TRMT11: variants seen among roughly 807,000 people sequenced by gnomAD.
TRMT11 encodes tRNA methyltransferase 11.
A neutral mutation model predicts 62.8 loss-of-function variants in TRMT11; 53 were observed. The ratio of observed to expected loss-of-function variants is 0.84; its 90% CI spans 0.68 to 1.06. The LOEUF (loss-of-function observed/expected upper bound fraction) is 1.06, where lower values mean the gene tolerates loss of function less well. Ranked by LOEUF, TRMT11 falls within the 50% of genes least tolerant of loss-of-function variation. The probability of loss-of-function intolerance (pLI) is 0.00; values close to 1 mark genes in which losing one functional copy is unlikely to be tolerated. For synonymous variants in TRMT11, 188 were observed against 190.3 expected (o/e 0.99, Z 0.10); for missense variants, 556 against 553.4 (o/e 1.00, Z -0.05).
At chr6:126,002,180 T>C (rs1428173664) in intron 7 of TRMT11, among the ~76,000 whole-genome samples, 2 of 152,190 alleles carry the variant, frequency 1.3e-5, no homozygotes, top group Non-Finnish European at 2.9e-5. Flanking sequence ...AACTAGAAAA[T>C]ATATATGCAT....
chr6:126,163,660 C>G (rs919752752), intron 21 of TRMT11, among the ~76,000 whole-genome samples: 1 of 152,066 alleles, frequency 6.6e-6, no homozygotes, highest in African/African-American at 2.4e-5. Flanking sequence ...TGGTAGAATT[C>G]GGCTGTGAAT....
At chr6:126,190,370 T>C (rs1028924459) in intron 1 of TRMT11, among the ~76,000 whole-genome samples, 7 of 152,154 alleles carry the variant, frequency 4.6e-5, no homozygotes, top group African/African-American at 1.7e-4. Context: ...TCATGAGAGC[T>C]GATGGTTTTA....
intron 17 of TRMT11, among the ~76,000 whole-genome samples, chr6:126,061,485 G>A (rs1776533816): frequency 6.6e-6 from 1 of 151,382 alleles, no homozygotes; most frequent in Non-Finnish European, 1.5e-5. Flanking sequence ...AAATTCACAG[G>A]CTTCCTTACT....
At chr6:126,056,914 G>GT (rs1255408952) in intron 17 of TRMT11, among the ~76,000 whole-genome samples, 1 of 152,206 alleles carries the variant, frequency 6.6e-6, no homozygotes, top group African/African-American at 2.4e-5. Context: ...CCCCAAAGCT[G>GT]TGTCTATTGA....
At chr6:126,026,446 C>G (rs772115689) in intron 12 of TRMT11, among the ~76,000 whole-genome samples, 2 of 151,798 alleles carry the variant, frequency 1.3e-5, no homozygotes, top group Non-Finnish European at 2.9e-5. Context: ...AGTGCAGTGG[C>G]GTGATCTTGA....
the TRMT11 span, among the ~76,000 whole-genome samples, chr6:126,243,266 A>G: frequency 6.6e-6 from 1 of 152,260 alleles, no homozygotes; most frequent in African/African-American, 2.4e-5. Context: ...AATGGCGATC[A>G]TTAAAAAGTC....
the TRMT11 span, among the ~76,000 whole-genome samples, chr6:126,235,874 A>T: frequency 6.6e-6 from 1 of 152,210 alleles, no homozygotes; most frequent in South Asian, 2.1e-4. Flanking sequence ...AGTTGGAAAT[A>T]AAAAAACAGA....
intron 7 of TRMT11, among the ~76,000 whole-genome samples, chr6:126,008,020 T>G (rs1793620428): frequency 6.6e-6 from 1 of 152,074 alleles, no homozygotes; most frequent in Non-Finnish European, 1.5e-5. Context: ...ATTCTGTTTA[T>G]TGCCAGCTCT....
the TRMT11 span, among the ~76,000 whole-genome samples, chr6:126,239,014 T>C: frequency 1.3e-5 from 2 of 152,154 alleles, no homozygotes; most frequent in Admixed American, 6.6e-5. Context: ...TCTGTTTTAT[T>C]AGAGACTAGG....
chr6:126,203,827 T>G (rs1778763837), downstream of TRMT11, among the ~76,000 whole-genome samples: 1 of 152,194 alleles, frequency 6.6e-6, no homozygotes, highest in Admixed American at 6.5e-5. Flanking sequence ...ATTCTGTGTA[T>G]AGAATGATTC....
intron 16 of TRMT11, among the ~76,000 whole-genome samples, chr6:126,050,939 C>T (rs1318188570): frequency 2.6e-5 from 4 of 152,106 alleles, no homozygotes; most frequent in Non-Finnish European, 5.9e-5. Context: ...AGCTTGGAAC[C>T]TTCAGTAGTT....
At position 126,166,817 on chromosome 6, in the gene TRMT11, G is replaced by A. The variant is rs1778272934; in HGVS notation, c.*1824-8008G>A. On this transcript the variant is annotated intron_variant and NMD_transcript_variant, in intron 21 of 22. Transcript: ENST00000648977. ...TTTCAGAGATGGCCTGCCCAGAGAG[G>A]AGGAATCTAGAGAGGCAGTGTAGCT... Among the ~76,000 whole-genome samples, 3 of 152,208 alleles carry A rather than the reference G, an allele frequency of 2.0e-5. No homozygotes were observed. The South Asian group carries it at 6.2e-4, about 31-fold the overall frequency.
intron 17 of TRMT11, among the ~76,000 whole-genome samples, chr6:126,054,437 G>A (rs932332013): frequency 2.0e-5 from 3 of 152,170 alleles, no homozygotes; most frequent in African/African-American, 4.8e-5. Context: ...AAGTACAGTA[G>A]AAACCTTCCT....
chr6:126,271,483 G>GTT, the TRMT11 span, among the ~76,000 whole-genome samples: 14 of 148,168 alleles, frequency 9.4e-5, 1 homozygote, highest in South Asian at 2.8e-3. Context: ...TTCCCAAATG[G>GTT]TTTATATATA....
In TRMT11 at chr6:126,028,200, C is replaced by T. The variant is rs567850874; in HGVS notation, c.1260+6920C>T. Among the ~76,000 whole-genome samples, 61 of 152,146 alleles carry T rather than the reference C, an allele frequency of 4.0e-4. 1 individual carries two copies. Among genetic ancestry groups the T allele is most frequent in the African/African-American group, 1.4e-3 (59 of 41,532 alleles). ...CTGTCTCTTCCCAAAACTGTGGGTT[C>T]CCTTTTGATTAGAGGTATAAAAGAT... On this transcript the variant is annotated intron_variant, in intron 12 of 12. Transcript: ENST00000334379.
chr6:126,077,616 C>T (rs1777056891), intron 17 of TRMT11, among the ~76,000 whole-genome samples: 1 of 152,178 alleles, frequency 6.6e-6, no homozygotes, highest in Non-Finnish European at 1.5e-5. Flanking sequence ...GCATGAGCCA[C>T]CACGCCCAGA....
the TRMT11 span, among the ~76,000 whole-genome samples, chr6:126,262,637 T>C: frequency 1.3e-5 from 2 of 152,228 alleles, no homozygotes; most frequent in African/African-American, 2.4e-5. Flanking sequence ...AAATTTTGGA[T>C]ACTCTTCAAA....
At chr6:126,263,959 C>T in the TRMT11 span, among the ~76,000 whole-genome samples, 1 of 152,112 alleles carries the variant, frequency 6.6e-6, no homozygotes, top group Admixed American at 6.5e-5. Flanking sequence ...AGTTTGTTTT[C>T]GGTTGGGCAA....
At chr6:126,248,138 T>A in the TRMT11 span, among the ~76,000 whole-genome samples, 4 of 151,946 alleles carry the variant, frequency 2.6e-5, no homozygotes, top group East Asian at 7.7e-4. Flanking sequence ...ATAAGGACAT[T>A]TTTGGGTATG....
Sources: gnomAD v4.1 joint callset for allele counts (sites outside exome capture counted in the v4.1 genomes callset) on GRCh38, gnomAD v4.1.1 for gene constraint, MANE v1.5 for transcripts, NCBI Gene and HGNC (gene_info 2026-07-23, HGNC 2026-07-21) for gene names.